Variants in MAPK4 observed in about 807,000 individuals in gnomAD.
MAPK4 encodes Erk3-related.
Under a neutral mutation model 47.7 loss-of-function variants are expected in MAPK4, and 22 were observed. The observed-to-expected ratio is 0.46, with a 90% CI of 0.33 to 0.66. MAPK4 has a LOEUF of 0.66. Ranked by LOEUF, MAPK4 falls within the 30% of genes least tolerant of loss-of-function variation. The pLI is 0.02. For missense variants in MAPK4, 736 were observed against 831.7 expected (o/e 0.88, Z 1.42); for synonymous variants, 390 against 365.7 (o/e 1.07, Z -0.76).
chr18:50,609,805 C>T (rs1482461511), intron 1 of MAPK4, among the ~76,000 whole-genome samples: 1 of 152,072 alleles, frequency 6.6e-6, no homozygotes, highest in African/African-American at 2.4e-5. Flanking sequence ...GTTTGCTATG[C>T]TGTACTCTCT....
At chr18:50,715,921 G>A (rs537648918) in intron 3 of MAPK4, among the ~76,000 whole-genome samples, 4 of 151,640 alleles carry the variant, frequency 2.6e-5, no homozygotes, top group South Asian at 2.1e-4. Context: ...CCTGTCCTTC[G>A]GCCACACCAA....
chr18:50,566,636 G>T lies in MAPK4; in HGVS notation c.-871+6393G>T, dbSNP rs541039047. Among the ~76,000 whole-genome samples, 74 of 152,224 alleles carry T rather than the reference G, an allele frequency of 4.9e-4. 2 individuals carry two copies. Among genetic ancestry groups the T allele is most frequent in the Non-Finnish European group, 2.4e-4 (16 of 68,042 alleles). Reference sequence around the variant, plus strand: ...ATTAATTCGAACTGATTACATCTATGCCAAAGGTGTGTGTAAACACAGGCA... The same window carrying T: ...ATTAATTCGAACTGATTACATCTATTCCAAAGGTGTGTGTAAACACAGGCA... On this transcript the variant is annotated intron_variant, in intron 1 of 5. Transcript: ENST00000400384.
chr18:50,642,907 C>A (rs1326144213), intron 1 of MAPK4, among the ~76,000 whole-genome samples: 1 of 152,226 alleles, frequency 6.6e-6, no homozygotes, highest in Admixed American at 6.5e-5. Context: ...GCCTGTCCTG[C>A]AGCATATTTG....
At chr18:50,653,888 A>G (rs1204611312) in intron 1 of MAPK4, among the ~76,000 whole-genome samples, 5 of 152,200 alleles carry the variant, frequency 3.3e-5, no homozygotes, top group Non-Finnish European at 7.3e-5. Context: ...CCCGTTAGCA[A>G]TGGGAGCGTG....
rs1180443921 is a variant in MAPK4 at position 50,726,037 on chromosome 18, C to A, written c.929C>A (p.Pro310His). ...RLTAEMGLQH[P>H]YMSPYSCPED... ...ACAGCTGAGATGGGGCTGCAACACC[C>A]CTACATGAGCCCATACTCGTGCCCT... Residue 310 changes from proline to histidine, a missense_variant, in exon 5 of 6, where the codon CCC becomes CAC. Transcript: ENST00000400384. The A allele has an allele frequency of 6.8e-6, 11 of 1,614,052 alleles. No individual in the cohort carries two copies.
At chr18:50,583,092 G>A (rs1185034834) in intron 1 of MAPK4, among the ~76,000 whole-genome samples, 2 of 152,206 alleles carry the variant, frequency 1.3e-5, no homozygotes, top group African/African-American at 2.4e-5. Flanking sequence ...ATGGACACTA[G>A]GGAGTGAGTA....
chr18:50,698,677 C>T (rs556061318), intron 2 of MAPK4, among the ~76,000 whole-genome samples: 2 of 152,292 alleles, frequency 1.3e-5, no homozygotes, highest in Admixed American at 1.3e-4. Flanking sequence ...AAATTGCGGG[C>T]CAGTCTCACT....
At chr18:50,677,196 C>T (rs982459785) in intron 2 of MAPK4, among the ~76,000 whole-genome samples, 24 of 152,168 alleles carry the variant, frequency 1.6e-4, no homozygotes, top group Admixed American at 8.5e-4. Flanking sequence ...CTTCCCGGTC[C>T]GTGGAAAAAT....
At chr18:50,708,976 G>C (rs1417379958) in intron 2 of MAPK4, among the ~76,000 whole-genome samples, 2 of 152,190 alleles carry the variant, frequency 1.3e-5, no homozygotes, top group Non-Finnish European at 2.9e-5. Context: ...CTCAATAAAT[G>C]TTAGCTGGTA....
chr18:50,610,375 C>T (rs1018720520), intron 1 of MAPK4, among the ~76,000 whole-genome samples: 1 of 152,210 alleles, frequency 6.6e-6, no homozygotes, highest in Admixed American at 6.5e-5. Context: ...CCTTGGAGAA[C>T]TGGGCACTGC....
At chr18:50,718,074 C>T (rs529474418) in intron 3 of MAPK4, among the ~76,000 whole-genome samples, 1 of 152,266 alleles carries the variant, frequency 6.6e-6, no homozygotes, top group South Asian at 2.1e-4. Flanking sequence ...CAGGACAGCC[C>T]ACCTCTTTTT....
At chr18:50,686,235 G>A (rs978523147) in intron 2 of MAPK4, among the ~76,000 whole-genome samples, 8 of 152,266 alleles carry the variant, frequency 5.3e-5, no homozygotes, top group East Asian at 1.9e-4. Flanking sequence ...GCCTTGCACC[G>A]TAGTGAACTA....
chr18:50,570,959 T>C (rs2042244968), intron 1 of MAPK4, among the ~76,000 whole-genome samples: 1 of 152,160 alleles, frequency 6.6e-6, no homozygotes, highest in Middle Eastern at 3.2e-3. Flanking sequence ...TTTATTTTTA[T>C]TTTTGAGTAC....
chr18:50,694,061 A>C (rs915434927), intron 2 of MAPK4, among the ~76,000 whole-genome samples: 1 of 152,192 alleles, frequency 6.6e-6, no homozygotes, highest in African/African-American at 2.4e-5. Context: ...TCTGAAAGAG[A>C]CTTGGGATGG....
At position 50,596,902 on chromosome 18, in the gene MAPK4, C is replaced by A. The variant is rs539196136; in HGVS notation, c.-871+36659C>A. ...TGGGAGTAAACAGCTCTACTGCACTCATTACTGTTTCAAGTAAATCTTAGC... is the reference window on the plus strand; with the variant it reads ...TGGGAGTAAACAGCTCTACTGCACTAATTACTGTTTCAAGTAAATCTTAGC... On this transcript the variant is annotated intron_variant, in intron 1 of 5. Transcript: ENST00000400384. Among the ~76,000 whole-genome samples the A allele has an allele frequency of 1.2e-4, 18 of 152,332 alleles. No individual in the cohort carries two copies. In the South Asian group the frequency reaches 3.7e-3, roughly 32 times the overall value.
At chr18:50,672,441 A>T (rs1908009413) in intron 2 of MAPK4, among the ~76,000 whole-genome samples, 1 of 152,206 alleles carries the variant, frequency 6.6e-6, no homozygotes, top group South Asian at 2.1e-4. Flanking sequence ...CGGAGGCTGT[A>T]CTTGAGAGTC....
chr18:50,667,387 G>A (rs1280272352), intron 2 of MAPK4, among the ~76,000 whole-genome samples: 1 of 152,110 alleles, frequency 6.6e-6, no homozygotes, highest in African/African-American at 2.4e-5. Context: ...GGAGCTGTTG[G>A]GTTCATTGAT....
intron 1 of MAPK4, among the ~76,000 whole-genome samples, chr18:50,619,839 T>C (rs1247405264): frequency 6.6e-6 from 1 of 152,270 alleles, no homozygotes; most frequent in Non-Finnish European, 1.5e-5. Flanking sequence ...TTCTGTCCTT[T>C]CCCTTCTGCA....
intron 2 of MAPK4, among the ~76,000 whole-genome samples, chr18:50,686,977 A>G (rs755223717): frequency 7.9e-5 from 12 of 152,250 alleles, no homozygotes; most frequent in Non-Finnish European, 1.3e-4. Context: ...GTATGCATCT[A>G]TACATATATA....
Sources: gnomAD v4.1 joint callset for allele counts (sites outside exome capture counted in the v4.1 genomes callset) on GRCh38, gnomAD v4.1.1 for gene constraint, MANE v1.5 for transcripts, NCBI Gene and HGNC (gene_info 2026-07-23, HGNC 2026-07-21) for gene names.